SPTAN1: variants seen among roughly 807,000 people sequenced by gnomAD.
SPTAN1 encodes the protein spectrin alpha, non-erythrocytic 1.
In SPTAN1, 61 loss-of-function variants were observed where a neutral mutation model predicts 331.3. That is an observed-to-expected ratio of 0.18 (90% CI 0.15 to 0.23). The LOEUF is 0.23. Ranked by LOEUF, SPTAN1 falls within the 10% of genes least tolerant of loss-of-function variation. SPTAN1 has a pLI of 1.00. For missense variants in SPTAN1, 2,043 were observed against 3,147.9 expected, an observed-to-expected ratio of 0.65 and a Z score of 8.40; for synonymous variants, 1,153 against 1,173.9, an observed-to-expected ratio of 0.98 and a Z score of 0.36.
At chr9:128,594,825 A>G (rs1589256978) in intron 24 of SPTAN1, among the ~76,000 whole-genome samples, 1 of 51,482 alleles carries the variant, frequency 1.9e-5, no homozygotes, top group Non-Finnish European at 3.9e-5. Flanking sequence ...TTTTTTTTTC[A>G]ATTTTTTTTT....
At position 128,601,459 on chromosome 9, in the gene SPTAN1, GCTCACACCTGTAAT is replaced by G. The variant is rs201272649; in HGVS notation, c.3579+1346_3579+1359del. ...GTAGATCTTTTGGCTAGGTGTTGTGGCTCACACCTGTAATCCCAGCATTGTGGGAGGCTGCCACA... is the reference window on the plus strand; with the variant it reads ...GTAGATCTTTTGGCTAGGTGTTGTGGCCCAGCATTGTGGGAGGCTGCCACA... On this transcript the variant is annotated intron_variant, in intron 27 of 56. Transcript: ENST00000372739. The G allele has an allele frequency of 3.4e-3, 524 of 152,170 alleles. 6 individuals carry two copies. The highest frequency in any genetic ancestry group is 0.024 in the Middle Eastern group (7 of 294). 9.4% of individuals were successfully genotyped at this position (152,170 alleles called of 1,614,324 possible). A position where few individuals can be genotyped will look rare whatever the true frequency, so the allele number is the denominator to read the frequency against.
chr9:128,582,088 T>A, intron 12 of SPTAN1, 196 bp downstream of exon 12: 4 of 622,610 alleles, frequency 6.4e-6, no homozygotes, highest in Non-Finnish European at 1.1e-5. Flanking sequence ...ATTTACTTAA[T>A]GGAAACCTCC....
intron 3 of SPTAN1, among the ~76,000 whole-genome samples, chr9:128,570,982 A>G (rs1246132074): frequency 6.6e-6 from 1 of 152,172 alleles, no homozygotes; most frequent in Non-Finnish European, 1.5e-5. Context: ...TTAAAGCAAC[A>G]TTAACAATAC....
chr9:128,630,487 C>G, intron 52 of SPTAN1, 112 bp downstream of exon 52: 2 of 1,066,988 alleles, frequency 1.9e-6, no homozygotes, highest in Non-Finnish European at 2.9e-6. Flanking sequence ...ATTATTGTAC[C>G]CTTTTCCCTT....
intron 9 of SPTAN1, 128 bp downstream of exon 9, chr9:128,578,373 G>T (rs776983295): frequency 6.1e-6 from 8 of 1,305,702 alleles, no homozygotes; most frequent in Non-Finnish European, 8.6e-6. Flanking sequence ...TCATCATGAG[G>T]ATTATGGTTG....
Position 128,632,107 on chromosome 9 carries a change from T to C in SPTAN1, c.6763-20T>C. 1 of 1,611,894 alleles carries C rather than the reference T, an allele frequency of 6.2e-7. No homozygotes were observed. Among genetic ancestry groups the C allele is most frequent in the African/African-American group, 1.3e-5 (1 of 74,998 alleles). The stretch of plus-strand genomic sequence containing the variant: ...AGCTGAGGGCCCCCGTCTGAGCATC[T>C]GTGCTCCCCACCCCTGCAGCGCAAG... On this transcript the variant is annotated intron_variant, in intron 52 of 56. Coordinates refer to ENST00000372739, the MANE Select transcript of SPTAN1 (RefSeq NM_001130438.3).
chr9:128,555,502 G>A (rs1848533024), intron 1 of SPTAN1: 3 of 932,020 alleles, frequency 3.2e-6, no homozygotes, highest in South Asian at 1.6e-5. Flanking sequence ...AAAGAAAGGG[G>A]GAAAAAAACC....
In SPTAN1 at chr9:128,607,834, C is replaced by G. The variant is rs770634123; in HGVS notation, c.4147-18C>G. On this transcript the variant is annotated intron_variant, in intron 32 of 56. Transcript: ENST00000372739. ...GCATCTGCTGCCAGTTACCTAATCC[C>G]TTCCCTCCTTTTGGCAGGAACACCG... is the stretch of plus-strand genomic sequence containing the variant. 1.2e-6 allele frequency: 2 copies of G among 1,613,766 alleles called. No individual in the cohort carries two copies. Among genetic ancestry groups the G allele is most frequent in the East Asian group, 2.2e-5 (1 of 44,872 alleles).
rs763235552 is a variant in SPTAN1, at chr9:128,588,847, G to A, written c.2910G>A (p.Glu970=). 8.7e-6 allele frequency: 14 copies of A among 1,614,160 alleles called. No homozygotes were observed. The highest frequency in any genetic ancestry group is 3.3e-4 in the Middle Eastern group (2 of 6,056). Residue 970 remains glutamate (E), a synonymous_variant, in exon 21 of 57, where the codon GAG becomes GAA. Coordinates refer to ENST00000372739, the MANE Select transcript of SPTAN1 (RefSeq NM_001130438.3). ...CCACGGATGATGAGACTGGGAAGGAGCTGGTCTTGGCTCTCTACGACTATC... is the reference window on the plus strand; with the variant it reads ...CCACGGATGATGAGACTGGGAAGGAACTGGTCTTGGCTCTCTACGACTATC... The part of the protein sequence containing the change: ...VAPTDDETGK[E]LVLALYDYQE...
chr9:128,603,378 T>G (rs563263700), intron 27 of SPTAN1, among the ~76,000 whole-genome samples, 165 bp from the exon 28 acceptor site: 1 of 152,322 alleles, frequency 6.6e-6, no homozygotes, highest in African/African-American at 2.4e-5. Context: ...TTCATGACAT[T>G]CTAGTACTTG....
intron 41 of SPTAN1, among the ~76,000 whole-genome samples, chr9:128,616,453 G>A (rs921014552): frequency 2.0e-5 from 3 of 151,334 alleles, no homozygotes; most frequent in African/African-American, 7.3e-5. Flanking sequence ...AAGGAATTAA[G>A]AGAGAGGATT....
intron 5 of SPTAN1, 59 bp from the exon 6 acceptor site, chr9:128,576,764 A>G (rs1482193530): frequency 6.2e-7 from 1 of 1,604,298 alleles, no homozygotes; most frequent in East Asian, 2.2e-5. Flanking sequence ...ACCCCAGGGT[A>G]ACTAGTTGGA....
At position 128,629,978 on chromosome 9, in the gene SPTAN1, A is replaced by G. The variant is rs973432764; in HGVS notation, c.6708-343A>G. ...GGTGTCAGGGTGTGCCATCCCCCAC[A>G]TGGCTGCAGAGAGGATGCTCAGACA... On this transcript the variant is annotated intron_variant, in intron 51 of 56. Coordinates refer to ENST00000372739, the MANE Select transcript of SPTAN1 (RefSeq NM_001130438.3). This position sits in a 1 kb window ranked among gnomAD's most constrained non-coding sequence, Gnocchi z 4.9. 1.5e-5 allele frequency: 6 copies of G among 404,802 alleles called. No homozygotes were observed. Among genetic ancestry groups the G allele is most frequent in the Non-Finnish European group, 2.4e-5 (5 of 208,990 alleles). The allele number at this position is 404,802 out of a possible 1,614,324, so 25.1% of individuals were successfully genotyped here.
chr9:128,591,963 C>T (rs1853598441), intron 22 of SPTAN1, among the ~76,000 whole-genome samples: 2 of 152,304 alleles, frequency 1.3e-5, no homozygotes, highest in African/African-American at 4.8e-5. Flanking sequence ...TGAAAAGCTG[C>T]TTTCAGAGCT....
In SPTAN1 at chr9:128,552,983, C is replaced by G. The variant is rs1239970204; in HGVS notation, c.-4+287C>G. 1 of 152,294 alleles carries G rather than the reference C, an allele frequency of 6.6e-6. No individual in the cohort carries two copies. The highest frequency in any genetic ancestry group is 1.5e-5 in the Non-Finnish European group (1 of 68,102). 9.4% of individuals were successfully genotyped at this position (152,294 alleles called of 1,614,324 possible). A position where few individuals can be genotyped will look rare whatever the true frequency, so the allele number is the denominator to read the frequency against. On this transcript the variant is annotated intron_variant, in intron 1 of 56. Transcript: ENST00000372739. This position sits in a 1 kb window ranked among gnomAD's most constrained non-coding sequence, Gnocchi z 4.6. ...CCGCCGGGTCCCTCCCAACCACCCC[C>G]AAGCCTGGCTGCGGCGCGGCCCTGC...
rs71381780 is a variant in SPTAN1 at position 128,606,497 on chromosome 9, T to TG, written c.4046+1028dup. Among the ~76,000 whole-genome samples, 102 of 134,108 alleles carry TG rather than the reference T, an allele frequency of 7.6e-4. 1 individual carries two copies. The highest frequency in any genetic ancestry group is 1.2e-3 in the African/African-American group (44 of 35,682). 88.0% of individuals were successfully genotyped at this position (134,108 alleles called of 152,430 possible). On this transcript the variant is annotated intron_variant, in intron 31 of 56. Coordinates refer to ENST00000372739, the MANE Select transcript of SPTAN1 (RefSeq NM_001130438.3). ...CATATATATATATATATTTTTTTTT[T>TG]GGGGGGGGAAGCGTTTCGCTTTTGT...
intron 14 of SPTAN1, 33 bp downstream of exon 14, chr9:128,582,882 C>T (rs375172350): frequency 1.3e-4 from 210 of 1,609,584 alleles, no homozygotes; most frequent in Middle Eastern, 2.2e-4. Flanking sequence ...ATGTAGCACT[C>T]GATTAGTAAG....
chr9:128,632,766 A>ACCTGCCCTC, intron 55 of SPTAN1, 42 bp from the exon 56 acceptor site: 1 of 1,614,038 alleles, frequency 6.2e-7, no homozygotes, highest in Non-Finnish European at 8.5e-7. Context: ...CGGGGCACCC[A>ACCTGCCCTC]CCTGCCCTCC....
At position 128,588,968 on chromosome 9, in the gene SPTAN1, G is replaced by A. The variant is rs774745286; in HGVS notation, c.3006+25G>A. ...GGCAAGGCACAGAGAGTGGCTGTGT[G>A]TTTGTTCCACGCTGGCACCTCCACG... On this transcript the variant is annotated intron_variant, in intron 21 of 56. Transcript: ENST00000372739. The A allele has an allele frequency of 5.6e-6, 9 of 1,613,000 alleles. No individual in the cohort carries two copies. The Admixed American group carries it at 1.5e-4, about 27-fold the overall frequency.
Sources: gnomAD v4.1 joint callset for allele counts (sites outside exome capture counted in the v4.1 genomes callset) on GRCh38, gnomAD v4.1.1 for gene constraint, Gnocchi (gnomAD v3.1) non-coding constraint, MANE v1.5 for transcripts, NCBI Gene and HGNC (gene_info 2026-07-23, HGNC 2026-07-21) for gene names.